The following NDST4 variants were observed in gnomAD, a reference collection of about 807,000 sequenced individuals.
The protein encoded by NDST4 is N-heparan sulfate sulfotransferase 4.
Under a neutral mutation model 100.8 loss-of-function variants are expected in NDST4, and 63 were observed. The observed-to-expected ratio is 0.62, with a 90% CI of 0.51 to 0.77. The LOEUF (loss-of-function observed/expected upper bound fraction) is 0.77, where lower values mean the gene tolerates loss of function less well. Among genes scored for constraint, NDST4 ranks in the 30% least tolerant of loss-of-function variants. NDST4 has a pLI of 0.00. For synonymous variants in NDST4, 377 were observed against 361.8 expected, an observed-to-expected ratio of 1.04 and a Z score of -0.48; for missense variants, 943 against 1,018.4, an observed-to-expected ratio of 0.93 and a Z score of 1.01.
chr4:115,002,785 T>A (rs1727323126), intron 2 of NDST4, among the ~76,000 whole-genome samples: 1 of 152,118 alleles, frequency 6.6e-6, no homozygotes. Flanking sequence ...ACATGTAGGT[T>A]TATTGCAGAA....
chr4:114,862,727 C>T (rs1723943992), intron 7 of NDST4, among the ~76,000 whole-genome samples: 1 of 152,040 alleles, frequency 6.6e-6, no homozygotes, highest in Admixed American at 6.6e-5. Context: ...AAAGAGTTGT[C>T]GTTGTCTCCA....
chr4:115,013,354 T>TAC (rs573137949), intron 2 of NDST4, among the ~76,000 whole-genome samples: 1,850 of 88,544 alleles, frequency 0.021, 50 homozygotes, highest in African/African-American at 0.075. Context: ...ACCATATATA[T>TAC]ATATATATAT....
chr4:114,891,297 C>T (rs1578369211), intron 6 of NDST4, among the ~76,000 whole-genome samples: 1 of 151,968 alleles, frequency 6.6e-6, no homozygotes, highest in East Asian at 1.9e-4. Context: ...TCTTAGCTTC[C>T]ATTCCTGTCT....
At position 115,042,784 on chromosome 4, in the gene NDST4, A is replaced by G. The variant is rs538341775; in HGVS notation, c.978+33275T>C. Among the ~76,000 whole-genome samples the G allele has an allele frequency of 2.6e-5, 4 of 152,148 alleles. No individual in the cohort carries two copies. In the East Asian group the frequency reaches 7.7e-4, roughly 29 times the overall value. ...GCAGATCTGCTGTTTGAACTCAGAGAGGTTGTTTCTAGACTCTGCATCAGA... is the reference window on the plus strand; with the variant it reads ...GCAGATCTGCTGTTTGAACTCAGAGGGGTTGTTTCTAGACTCTGCATCAGA... On this transcript the variant is annotated intron_variant, in intron 2 of 13. Transcript: ENST00000264363.
intron 7 of NDST4, among the ~76,000 whole-genome samples, chr4:114,858,498 A>G (rs987148594): frequency 6.6e-6 from 1 of 152,230 alleles, no homozygotes; most frequent in African/African-American, 2.4e-5. Context: ...TGCTCGCCTG[A>G]GAGTGATGGA....
At chr4:114,865,607 G>C (rs563827489) in intron 7 of NDST4, among the ~76,000 whole-genome samples, 1 of 152,024 alleles carries the variant, frequency 6.6e-6, no homozygotes, top group Non-Finnish European at 1.5e-5. Context: ...TATTATACTT[G>C]GATTAAATGC....
At chr4:114,838,861 A>G (rs1237927947) in intron 11 of NDST4, among the ~76,000 whole-genome samples, 1 of 151,248 alleles carries the variant, frequency 6.6e-6, no homozygotes, top group Non-Finnish European at 1.5e-5. Flanking sequence ...CTTTTTTCAA[A>G]TCCTTATTTC....
intron 1 of NDST4, among the ~76,000 whole-genome samples, chr4:115,093,241 C>T (rs1442374310): frequency 1.3e-5 from 2 of 152,064 alleles, no homozygotes; most frequent in Admixed American, 6.5e-5. Context: ...TTTGGGAGGC[C>T]AAGGTGGGCA....
intron 7 of NDST4, among the ~76,000 whole-genome samples, chr4:114,856,855 G>T (rs1445384091): frequency 3.9e-5 from 6 of 152,168 alleles, no homozygotes; most frequent in African/African-American, 1.2e-4. Context: ...AGCTTTCAGG[G>T]GTCTGGACAT....
At chr4:114,954,601 T>C (rs1726093893) in intron 4 of NDST4, among the ~76,000 whole-genome samples, 1 of 152,202 alleles carries the variant, frequency 6.6e-6, no homozygotes, top group African/African-American at 2.4e-5. Flanking sequence ...AACTTTTTGA[T>C]ACGGAAAAGT....
intron 1 of NDST4, among the ~76,000 whole-genome samples, chr4:115,082,924 T>A (rs984434413): frequency 1.3e-5 from 2 of 152,148 alleles, no homozygotes; most frequent in Admixed American, 6.5e-5. Context: ...CTACCAAAAA[T>A]GGAGAAAAAT....
rs200352685 is a variant in NDST4, at chr4:114,877,377, CTA to C, written c.1537-6429_1537-6428del. 6.3e-3 allele frequency among the ~76,000 whole-genome samples: 955 copies of C among 152,200 alleles called. 8 individuals are homozygous for C. The highest frequency in any genetic ancestry group is 0.022 in the African/African-American group (919 of 41,522). ...AAATTTGATATTTCAATATGTATAT[CTA>C]TGCACACACATGCATGTCAGCTGAT... On this transcript the variant is annotated intron_variant, in intron 6 of 13. Coordinates refer to ENST00000264363, the MANE Select transcript of NDST4 (RefSeq NM_022569.3).
chr4:115,084,885 C>A (rs1038468372), intron 1 of NDST4, among the ~76,000 whole-genome samples: 13 of 149,256 alleles, frequency 8.7e-5, no homozygotes, highest in Admixed American at 4.7e-4. Flanking sequence ...CCACCCCCCC[C>A]ACAGTCCCTA....
chr4:115,002,849 C>T (rs1211763637), intron 2 of NDST4, among the ~76,000 whole-genome samples: 1 of 152,028 alleles, frequency 6.6e-6, no homozygotes, highest in Non-Finnish European at 1.5e-5. Flanking sequence ...AATTAATAGA[C>T]TGGATAAAGA....
At chr4:115,100,850 TC>T (rs1729716411) in intron 1 of NDST4, among the ~76,000 whole-genome samples, 1 of 151,820 alleles carries the variant, frequency 6.6e-6, no homozygotes, top group African/African-American at 2.4e-5. Context: ...TTCCTTAAGT[TC>T]CTATTGTACT....
At chr4:114,979,086 T>A (rs1205518426) in intron 2 of NDST4, among the ~76,000 whole-genome samples, 1 of 151,952 alleles carries the variant, frequency 6.6e-6, no homozygotes. Context: ...GTACTCTGGT[T>A]AAACTTAACT....
intron 2 of NDST4, among the ~76,000 whole-genome samples, chr4:115,028,015 T>G (rs1228364741): frequency 1.3e-5 from 2 of 151,880 alleles, no homozygotes; most frequent in African/African-American, 4.8e-5. Context: ...ATTCACCGAT[T>G]CACCATTACA....
At chr4:115,089,627 G>T (rs1308120899) in intron 1 of NDST4, among the ~76,000 whole-genome samples, 2 of 151,804 alleles carry the variant, frequency 1.3e-5, no homozygotes, top group African/African-American at 2.4e-5. Context: ...TATATAAAAA[G>T]CTTCTCTTTT....
intron 6 of NDST4, among the ~76,000 whole-genome samples, chr4:114,923,993 G>A (rs1725338520): frequency 6.6e-6 from 1 of 151,922 alleles, no homozygotes; most frequent in Non-Finnish European, 1.5e-5. Flanking sequence ...ACACAGCAGT[G>A]CAAATTGTAT....
Sources: allele counts gnomAD v4.1 joint callset (sites outside exome capture counted in the v4.1 genomes callset), GRCh38; gene constraint gnomAD v4.1.1; transcripts MANE v1.5; gene names NCBI Gene and HGNC (gene_info 2026-07-23, HGNC 2026-07-21).